RAB10: variants seen among roughly 807,000 people sequenced by gnomAD.
RAB10 encodes the protein ras-related protein Rab-10.
RAB10 carries 5 observed loss-of-function variants against 25.7 expected under a neutral mutation model. The ratio of observed to expected loss-of-function variants is 0.19; its 90% confidence interval spans 0.10 to 0.41. The LOEUF is 0.41. RAB10 is among the 10% of genes least tolerant of loss of function. The pLI, the probability that RAB10 is intolerant of heterozygous loss-of-function variation, is 1.00. For missense variants in RAB10, 103 were observed against 245.8 expected (o/e 0.42, Z 3.89); for synonymous variants, 89 against 86.4 (o/e 1.03, Z -0.16).
chr2:26,041,498 G>A (rs1188754194), intron 1 of RAB10, among the ~76,000 whole-genome samples: 4 of 144,916 alleles, frequency 2.8e-5, no homozygotes, highest in Non-Finnish European at 4.5e-5. Context: ...AGTTGAGCTC[G>A]TGCCACTGCA....
At chr2:26,045,619 A>G (rs1000399152) in intron 1 of RAB10, among the ~76,000 whole-genome samples, 2 of 152,216 alleles carry the variant, frequency 1.3e-5, no homozygotes, top group Non-Finnish European at 2.9e-5. Flanking sequence ...TTGAGTGTTG[A>G]TTTACAAGTA....
chr2:26,053,687 T>C (rs1237722361), intron 1 of RAB10, among the ~76,000 whole-genome samples: 3 of 152,146 alleles, frequency 2.0e-5, no homozygotes, highest in Non-Finnish European at 2.9e-5. Flanking sequence ...TTGCTTTCCT[T>C]AAATTAGATA....
chr2:26,114,737 CAAAAAAA>C (rs58252306), intron 3 of RAB10, among the ~76,000 whole-genome samples: 10 of 66,074 alleles, frequency 1.5e-4, no homozygotes, highest in Admixed American at 8.4e-4. Flanking sequence ...CAAAAATATA[CAAAAAAA>C]AAAAAAAAAA....
At chr2:26,088,157 C>T (rs767963028) in intron 1 of RAB10, among the ~76,000 whole-genome samples, 9 of 152,124 alleles carry the variant, frequency 5.9e-5, no homozygotes, top group Non-Finnish European at 1.3e-4. Flanking sequence ...TTGGTTCTGC[C>T]TGCATTAATT....
In RAB10 at chr2:26,034,484, T is replaced by C; in HGVS notation, c.-125T>C. On this transcript the variant is annotated 5_prime_UTR_variant, in exon 1 of 6. Transcript: ENST00000264710. ...CTGTTCGTAGGTCGCCCGCGCCGTC[T>C]CGAGCCTTTTTCCCACGCTTCCCCG... 1 of 1,352,438 alleles carries C rather than the reference T, an allele frequency of 7.4e-7. No individual in the cohort carries two copies. Among genetic ancestry groups the C allele is most frequent in the Non-Finnish European group, 1.0e-6 (1 of 995,716 alleles). 83.8% of individuals were successfully genotyped at this position (1,352,438 alleles called of 1,614,324 possible).
In RAB10 at chr2:26,131,347, T is replaced by C. The variant is rs559687109; in HGVS notation, c.519+3396T>C. 4.3e-4 allele frequency among the ~76,000 whole-genome samples: 65 copies of C among 152,312 alleles called. 2 individuals carry two copies. In the South Asian group the frequency reaches 0.013, roughly 30 times the overall value. ...TTTACGAATTTGTTGTATTGGGCTG[T>C]GTGCAGGCTGCAGGTTGGACAAACT... On this transcript the variant is annotated intron_variant, in intron 5 of 5. Transcript: ENST00000264710.
At chr2:26,109,666 A>T (rs954796792) in intron 2 of RAB10, 102 bp from the exon 3 acceptor site, 4 of 1,201,880 alleles carry the variant, frequency 3.3e-6, no homozygotes, top group Middle Eastern at 2.1e-4. Context: ...TCAACTAAAA[A>T]GTTTTTATAT....
chr2:26,112,747 A>G (rs1478407068), intron 3 of RAB10, among the ~76,000 whole-genome samples: 1 of 152,146 alleles, frequency 6.6e-6, no homozygotes, highest in African/African-American at 2.4e-5. Flanking sequence ...TGGGTGACAG[A>G]GTGAGACTCT....
At chr2:26,041,563 AAAAG>A (rs1292160273) in intron 1 of RAB10, among the ~76,000 whole-genome samples, 4 of 150,398 alleles carry the variant, frequency 2.7e-5, no homozygotes, top group Non-Finnish European at 4.4e-5. Flanking sequence ...AAAAAAAAAA[AAAAG>A]AATGTTAGCT....
At chr2:26,033,893 G>A (rs1341892449), upstream of RAB10, among the ~76,000 whole-genome samples, 2 of 152,206 alleles carry the variant, frequency 1.3e-5, no homozygotes, top group African/African-American at 4.8e-5. Flanking sequence ...CGGCCACAGG[G>A]AGCGCGCCCG....
rs114402015 is a variant in RAB10 at position 26,108,039 on chromosome 2, G to T, written c.189-1729G>T. Reference sequence around the variant, plus strand: ...TGCTGGTGAGGATGCAGAGAAACTGGATCTTTTATATGTTGCTAGTGCAAA... The same window carrying T: ...TGCTGGTGAGGATGCAGAGAAACTGTATCTTTTATATGTTGCTAGTGCAAA... On this transcript the variant is annotated intron_variant, in intron 2 of 5. Coordinates refer to ENST00000264710, the MANE Select transcript of RAB10 (RefSeq NM_016131.5). Among the ~76,000 whole-genome samples, 894 of 152,236 alleles carry T rather than the reference G, an allele frequency of 5.9e-3. 6 individuals carry two copies. The highest frequency in any genetic ancestry group is 0.02 in the African/African-American group (840 of 41,538).
chr2:26,053,625 G>A (rs1290460203), intron 1 of RAB10, among the ~76,000 whole-genome samples: 1 of 152,078 alleles, frequency 6.6e-6, no homozygotes, highest in Non-Finnish European at 1.5e-5. Flanking sequence ...TTACAAAGTG[G>A]GAGTATTGTT....
intron 1 of RAB10, among the ~76,000 whole-genome samples, chr2:26,075,580 A>C (rs1666715615): frequency 6.6e-6 from 1 of 152,168 alleles, no homozygotes; most frequent in Admixed American, 6.5e-5. Flanking sequence ...CCTGAACTGA[A>C]AGCTAGAAGG....
At chr2:26,039,937 AT>A (rs1245471205) in intron 1 of RAB10, among the ~76,000 whole-genome samples, 2 of 152,134 alleles carry the variant, frequency 1.3e-5, no homozygotes, top group African/African-American at 2.4e-5. Context: ...GATTAGGCGT[AT>A]TTCTACATGG....
intron 1 of RAB10, among the ~76,000 whole-genome samples, chr2:26,047,716 C>T (rs984371631): frequency 1.5e-5 from 2 of 132,204 alleles, no homozygotes; most frequent in African/African-American, 5.7e-5. Context: ...GCCACCATGC[C>T]TGGCCTGTTT....
At chr2:26,086,476 G>A (rs1451209979) in intron 1 of RAB10, among the ~76,000 whole-genome samples, 3 of 152,198 alleles carry the variant, frequency 2.0e-5, no homozygotes, top group Non-Finnish European at 2.9e-5. Flanking sequence ...TTGAGGACGT[G>A]GAGAAATTGG....
At chr2:26,062,950 A>G (rs535257538) in intron 1 of RAB10, among the ~76,000 whole-genome samples, 5 of 151,992 alleles carry the variant, frequency 3.3e-5, no homozygotes, top group Admixed American at 3.3e-4. Context: ...CCCTGTCTCT[A>G]TTAAAAATAC....
At chr2:26,103,032 ACTT>A (rs906084737) in intron 2 of RAB10, among the ~76,000 whole-genome samples, 23 of 152,328 alleles carry the variant, frequency 1.5e-4, no homozygotes, top group African/African-American at 5.5e-4. Flanking sequence ...TATGGAAAAT[ACTT>A]CTTATTGTTC....
rs1667050010 is a variant in RAB10 at position 26,089,107 on chromosome 2, T to TG, written c.128-9555_128-9554insG. Among the ~76,000 whole-genome samples the TG allele has an allele frequency of 2.6e-5, 4 of 152,044 alleles. No individual in the cohort carries two copies. The East Asian group carries it at 7.7e-4, about 29-fold the overall frequency. On this transcript the variant is annotated intron_variant, in intron 1 of 5. Transcript: ENST00000264710. ...CTGGAGAGGTGGCTTGGGGCCATGC[T>TG]CAGAAATATATTTATTCATAGAGAG...
Sources: gnomAD v4.1 joint callset for allele counts (sites outside exome capture counted in the v4.1 genomes callset) on GRCh38, gnomAD v4.1.1 for gene constraint, MANE v1.5 for transcripts, NCBI Gene and HGNC (gene_info 2026-07-23, HGNC 2026-07-21) for gene names.